ULK4: variants seen among roughly 807,000 people sequenced by gnomAD.
ULK4 encodes unc-51 like kinase 4, also known as inactive serine/threonine-protein kinase ULK4.
Under a neutral mutation model 160.6 loss-of-function variants are expected in ULK4, and 133 were observed. The observed-to-expected ratio is 0.83, with a 90% CI of 0.72 to 0.96. The LOEUF (loss-of-function observed/expected upper bound fraction) is 0.96. ULK4 is among the 40% of genes least tolerant of loss of function. The pLI is 0.00. For synonymous variants in ULK4, 534 were observed against 539.8 expected (o/e 0.99, Z 0.15); for missense variants, 1,580 against 1,499.5 (o/e 1.05, Z -0.89).
At chr3:41,353,711 C>T (rs1403342818) in intron 35 of ULK4, among the ~76,000 whole-genome samples, 11 of 129,728 alleles carry the variant, frequency 8.5e-5, no homozygotes, top group South Asian at 2.4e-4. Flanking sequence ...ACTACTACTA[C>T]TACTACTACT....
At chr3:41,790,884 A>G (rs1010645004) in intron 20 of ULK4, among the ~76,000 whole-genome samples, 8 of 152,218 alleles carry the variant, frequency 5.3e-5, no homozygotes, top group Non-Finnish European at 1.2e-4. Flanking sequence ...GAGTGACTCC[A>G]AAGAGAGAAA....
At chr3:41,867,955 T>C (rs1696955829) in intron 17 of ULK4, among the ~76,000 whole-genome samples, 1 of 152,232 alleles carries the variant, frequency 6.6e-6, no homozygotes. Context: ...TAGACATTTC[T>C]AATTTAATTC....
intron 31 of ULK4, among the ~76,000 whole-genome samples, chr3:41,592,571 T>A (rs1036722111): frequency 1.8e-4 from 27 of 152,200 alleles, no homozygotes; most frequent in East Asian, 5.8e-4. Context: ...AATAAAAAAA[T>A]TTTTTTAAAT....
intron 30 of ULK4, among the ~76,000 whole-genome samples, chr3:41,644,622 A>G (rs1343733280): frequency 3.9e-4 from 58 of 149,226 alleles, no homozygotes; most frequent in Admixed American, 5.4e-4. Context: ...TTTTTGCATC[A>G]GTGTTCATCA....
chr3:41,353,452 C>G (rs1458696899), intron 35 of ULK4, among the ~76,000 whole-genome samples: 2 of 151,974 alleles, frequency 1.3e-5, no homozygotes, highest in Non-Finnish European at 2.9e-5. Context: ...ATTTCTGGAG[C>G]CCCAGAGTTC....
intron 35 of ULK4, among the ~76,000 whole-genome samples, chr3:41,280,451 A>G (rs2079328866): frequency 6.6e-6 from 1 of 152,212 alleles, no homozygotes; most frequent in Non-Finnish European, 1.5e-5. Flanking sequence ...AAATCACAAT[A>G]AACTGTCTCT....
intron 29 of ULK4, among the ~76,000 whole-genome samples, chr3:41,678,245 T>C (rs2035801343): frequency 6.6e-6 from 1 of 151,904 alleles, no homozygotes; most frequent in Admixed American, 6.6e-5. Context: ...ACTGGCTCTG[T>C]TTCTCTGGAG....
intron 35 of ULK4, among the ~76,000 whole-genome samples, chr3:41,394,003 CTG>C (rs2082006410): frequency 1.3e-5 from 2 of 152,128 alleles, no homozygotes. Context: ...GGAACAATCA[CTG>C]GAGCTGATCT....
intron 1 of ULK4, among the ~76,000 whole-genome samples, chr3:41,955,118 T>C (rs897123355): frequency 6.6e-6 from 1 of 152,138 alleles, no homozygotes; most frequent in South Asian, 2.1e-4. Flanking sequence ...TGGTGAACCC[T>C]GTCTCTACTA....
chr3:41,404,226 A>ATTTTTTTTTTT (rs60508995), intron 34 of ULK4, among the ~76,000 whole-genome samples: 1 of 131,864 alleles, frequency 7.6e-6, no homozygotes, highest in Admixed American at 7.8e-5. Flanking sequence ...TAGCTCTATC[A>ATTTTTTTTTTT]TTTTTTTTTT....
At chr3:41,791,558 G>C (rs1369996714) in intron 20 of ULK4, among the ~76,000 whole-genome samples, 1 of 152,184 alleles carries the variant, frequency 6.6e-6, no homozygotes, top group East Asian at 1.9e-4. Context: ...TGAGAGATGG[G>C]AGGTAGGAAT....
intron 34 of ULK4, among the ~76,000 whole-genome samples, chr3:41,415,977 A>G (rs938397690): frequency 3.9e-5 from 6 of 152,244 alleles, no homozygotes; most frequent in African/African-American, 1.4e-4. Context: ...TTATATGTCA[A>G]ACATTATTGT....
rs1485235662 is a variant in ULK4 at position 41,495,480 on chromosome 3, A to T, written c.3227-32227T>A. On this transcript the variant is annotated intron_variant, in intron 32 of 36. Transcript: ENST00000301831. ...GACCTAAAACCATAAAAACCCTAGA[A>T]GAAAACCTAGGCAATACCATTCAGG... Among the ~76,000 whole-genome samples, 14 of 151,940 alleles carry T rather than the reference A, an allele frequency of 9.2e-5. No homozygotes were observed. The East Asian group carries it at 2.3e-3, about 25-fold the overall frequency.
intron 35 of ULK4, among the ~76,000 whole-genome samples, chr3:41,346,311 A>G: frequency 6.6e-6 from 1 of 152,132 alleles, no homozygotes; most frequent in Non-Finnish European, 1.5e-5. Flanking sequence ...GCTGGGCCAC[A>G]TTGCAACATC....
intron 29 of ULK4, among the ~76,000 whole-genome samples, chr3:41,666,987 A>G (rs983454635): frequency 1.4e-4 from 21 of 152,082 alleles, no homozygotes; most frequent in African/African-American, 4.8e-4. Flanking sequence ...TAAAAAAAGA[A>G]AAAAAAATTA....
chr3:41,820,886 G>A (rs974327961), intron 18 of ULK4, among the ~76,000 whole-genome samples: 1 of 152,122 alleles, frequency 6.6e-6, no homozygotes, highest in African/African-American at 2.4e-5. Context: ...CTTGATTATA[G>A]AATTCCACAT....
intron 30 of ULK4, among the ~76,000 whole-genome samples, chr3:41,637,295 T>C (rs994413293): frequency 4.6e-5 from 7 of 152,214 alleles, no homozygotes; most frequent in African/African-American, 1.7e-4. Context: ...GATGCAGTAT[T>C]TGTCTTTTTG....
At position 41,753,993 on chromosome 3, in the gene ULK4, G is replaced by A. The variant is rs539971262; in HGVS notation, c.2321+368C>T. Reference sequence around the variant, plus strand: ...GACACTTAAAAAACCATCAGATGTGGTGAGACTCACTCATTATCACAAGAA... The same window carrying A: ...GACACTTAAAAAACCATCAGATGTGATGAGACTCACTCATTATCACAAGAA... On this transcript the variant is annotated intron_variant, in intron 22 of 36. Coordinates refer to ENST00000301831, the MANE Select transcript of ULK4 (RefSeq NM_017886.4). 4.6e-5 allele frequency among the ~76,000 whole-genome samples: 7 copies of A among 152,260 alleles called. No homozygotes were observed. In the South Asian group the frequency reaches 1.5e-3, roughly 32 times the overall value.
At chr3:41,637,313 T>C (rs1452923435) in intron 30 of ULK4, among the ~76,000 whole-genome samples, 1 of 152,186 alleles carries the variant, frequency 6.6e-6, no homozygotes, top group Non-Finnish European at 1.5e-5. Flanking sequence ...TTGTGCCTCA[T>C]TTATTTGACT....
Sources: gnomAD v4.1 joint callset for allele counts (sites outside exome capture counted in the v4.1 genomes callset) on GRCh38, gnomAD v4.1.1 for gene constraint, MANE v1.5 for transcripts, NCBI Gene and HGNC (gene_info 2026-07-23, HGNC 2026-07-21) for gene names.